LINGO2: variants seen among roughly 807,000 people sequenced by gnomAD.
The protein encoded by LINGO2 is leucine rich repeat and Ig domain containing 2.
A neutral mutation model predicts 30.6 loss-of-function variants in LINGO2; 14 were observed. The ratio of observed to expected loss-of-function variants is 0.46; its 90% CI spans 0.30 to 0.72. LINGO2 has a LOEUF of 0.72. Ranked by LOEUF, LINGO2 falls within the 30% of genes least tolerant of loss-of-function variation. The pLI is 0.07. For missense variants in LINGO2, 729 were observed against 751.7 expected, an observed-to-expected ratio of 0.97 and a Z score of 0.35; for synonymous variants, 317 against 288.5, an observed-to-expected ratio of 1.10 and a Z score of -1.00.
At chr9:28,205,112 A>C (rs1820365684) in intron 4 of LINGO2, among the ~76,000 whole-genome samples, 1 of 152,200 alleles carries the variant, frequency 6.6e-6, no homozygotes, top group African/African-American at 2.4e-5. Context: ...GGGGATATGG[A>C]AATTATCAGG....
At chr9:28,940,700 G>A in the LINGO2 span, among the ~76,000 whole-genome samples, 1,317 of 152,196 alleles carry the variant, frequency 8.7e-3, 17 homozygotes, top group Non-Finnish European at 0.014. Context: ...AGGTAGCTTT[G>A]TGAAACTCCA....
chr9:29,018,226 T>C, the LINGO2 span, among the ~76,000 whole-genome samples: 2 of 151,474 alleles, frequency 1.3e-5, no homozygotes, highest in Non-Finnish European at 2.9e-5. Flanking sequence ...TTCTCATTTA[T>C]AAGAGTGATC....
chr9:29,126,184 G>A, the LINGO2 span, among the ~76,000 whole-genome samples: 2 of 151,868 alleles, frequency 1.3e-5, no homozygotes, highest in African/African-American at 2.4e-5. Flanking sequence ...ATACTTAGGG[G>A]GAAAATAGTT....
At chr9:28,059,939 G>C (rs1336477088) in intron 4 of LINGO2, among the ~76,000 whole-genome samples, 1 of 151,784 alleles carries the variant, frequency 6.6e-6, no homozygotes, top group African/African-American at 2.4e-5. Context: ...AAAACACCTG[G>C]GTTCAAATCA....
the LINGO2 span, among the ~76,000 whole-genome samples, chr9:28,692,960 T>A: frequency 6.6e-6 from 1 of 152,152 alleles, no homozygotes; most frequent in Non-Finnish European, 1.5e-5. Context: ...AAATATAGTT[T>A]ATTATATTAA....
chr9:28,965,634 T>C, the LINGO2 span, among the ~76,000 whole-genome samples: 1 of 152,096 alleles, frequency 6.6e-6, no homozygotes, highest in East Asian at 1.9e-4. Flanking sequence ...CAGCATAACA[T>C]ACAGTTAATT....
chr9:28,606,061 G>T (rs1209547924), intron 1 of LINGO2, among the ~76,000 whole-genome samples: 1 of 151,970 alleles, frequency 6.6e-6, no homozygotes, highest in Non-Finnish European at 1.5e-5. Flanking sequence ...GTGTTTCAAG[G>T]ATGCTTACAT....
At chr9:28,840,814 G>C in the LINGO2 span, among the ~76,000 whole-genome samples, 1 of 151,956 alleles carries the variant, frequency 6.6e-6, no homozygotes, top group South Asian at 2.1e-4. Context: ...GTGGTGTGAG[G>C]TCTCCAGAAG....
chr9:28,084,928 A>C (rs1292411107), intron 4 of LINGO2, among the ~76,000 whole-genome samples: 1 of 152,162 alleles, frequency 6.6e-6, no homozygotes, highest in Non-Finnish European at 1.5e-5. Flanking sequence ...CTTTTGCAGG[A>C]GCTGGCACAT....
intron 1 of LINGO2, among the ~76,000 whole-genome samples, chr9:28,565,710 C>T (rs1347473215): frequency 6.6e-6 from 1 of 151,468 alleles, no homozygotes; most frequent in Non-Finnish European, 1.5e-5. Context: ...CACCACCACG[C>T]CCACCTAATT....
the LINGO2 span, among the ~76,000 whole-genome samples, chr9:29,142,570 C>A: frequency 4.0e-5 from 6 of 151,492 alleles, no homozygotes; most frequent in Non-Finnish European, 4.4e-5. Context: ...GAAATAAATG[C>A]AATAAAGAAT....
chr9:28,132,314 G>C (rs1021078113), intron 4 of LINGO2, among the ~76,000 whole-genome samples: 2 of 151,884 alleles, frequency 1.3e-5, no homozygotes, highest in Admixed American at 1.3e-4. Flanking sequence ...TATAAATTGA[G>C]TTATACCCAT....
the LINGO2 span, among the ~76,000 whole-genome samples, chr9:28,854,995 T>G: frequency 6.6e-6 from 1 of 152,038 alleles, no homozygotes; most frequent in South Asian, 2.1e-4. Context: ...GTAATATACA[T>G]ATACTATTTT....
intron 1 of LINGO2, among the ~76,000 whole-genome samples, chr9:28,508,289 A>C (rs1043136625): frequency 6.6e-6 from 1 of 152,132 alleles, no homozygotes; most frequent in Non-Finnish European, 1.5e-5. Context: ...GACATCAGAA[A>C]ATAGTATTTA....
At chr9:28,725,460 G>T in the LINGO2 span, among the ~76,000 whole-genome samples, 21 of 151,246 alleles carry the variant, frequency 1.4e-4, no homozygotes, top group African/African-American at 5.1e-4. Context: ...ACGTATCACC[G>T]TTCTTATTCA....
the LINGO2 span, among the ~76,000 whole-genome samples, chr9:28,734,958 T>C: frequency 1.3e-5 from 2 of 152,202 alleles, no homozygotes; most frequent in Non-Finnish European, 2.9e-5. Context: ...TTTTGTGTTG[T>C]TTTATGTTTC....
the LINGO2 span, among the ~76,000 whole-genome samples, chr9:28,817,819 T>C: frequency 6.6e-6 from 1 of 152,190 alleles, no homozygotes; most frequent in Non-Finnish European, 1.5e-5. Context: ...AGTAAGGAAA[T>C]GAATACACTT....
intron 1 of LINGO2, among the ~76,000 whole-genome samples, chr9:28,496,670 T>C (rs1430113341): frequency 5.9e-5 from 9 of 152,192 alleles, no homozygotes; most frequent in Admixed American, 5.2e-4. Flanking sequence ...TTAAAGTTAA[T>C]ATTGTTATGT....
intron 4 of LINGO2, among the ~76,000 whole-genome samples, chr9:28,063,667 C>G (rs1825224267): frequency 6.6e-6 from 1 of 152,034 alleles, no homozygotes; most frequent in Non-Finnish European, 1.5e-5. Flanking sequence ...GTGTCCTTTC[C>G]ATCATGTTAC....
Sources: gnomAD v4.1 joint callset for allele counts (sites outside exome capture counted in the v4.1 genomes callset) on GRCh38, gnomAD v4.1.1 for gene constraint, MANE v1.5 for transcripts, NCBI Gene and HGNC (gene_info 2026-07-23, HGNC 2026-07-21) for gene names.